ROBO2: variants seen among roughly 807,000 people sequenced by gnomAD.
ROBO2 encodes the protein roundabout guidance receptor 2, also known as roundabout homolog 2.
Under a neutral mutation model 160.8 loss-of-function variants are expected in ROBO2, and 53 were observed. The observed-to-expected ratio is 0.33, with a 90% confidence interval of 0.26 to 0.41. The LOEUF is 0.41. Ranked by LOEUF, ROBO2 falls within the 10% of genes least tolerant of loss-of-function variation. ROBO2 has a pLI of 1.00. For synonymous variants in ROBO2, 664 were observed against 611.7 expected, an observed-to-expected ratio of 1.09 and a Z score of -1.26; for missense variants, 1,577 against 1,722.4, an observed-to-expected ratio of 0.92 and a Z score of 1.49.
intron 2 of ROBO2, among the ~76,000 whole-genome samples, chr3:76,526,466 T>C (rs1200382386): frequency 6.6e-6 from 1 of 152,096 alleles, no homozygotes; most frequent in Non-Finnish European, 1.5e-5. Context: ...GTTTGTTGAT[T>C]CTATATGATT....
At position 75,928,980 on chromosome 3, in the gene ROBO2, C is replaced by T. The variant is rs1481180736; in HGVS notation, c.-13-8501C>T. ...GAGATGTGCAGCTGGATAAGACGTA[C>T]GTGTGTGTGTGTGTGTGTGTGATAG... On this transcript the variant is annotated intron_variant, in intron 1 of 26. Coordinates refer to the ROBO2 transcript ENST00000487694. Among the ~76,000 whole-genome samples the T allele has an allele frequency of 1.4e-4, 13 of 94,054 alleles. 1 individual carries two copies. The highest frequency in any genetic ancestry group is 5.3e-4 in the African/African-American group (12 of 22,440). 61.7% of individuals were successfully genotyped at this position (94,054 alleles called of 152,430 possible).
chr3:76,187,945 G>A (rs913280214), intron 2 of ROBO2, among the ~76,000 whole-genome samples: 3 of 152,022 alleles, frequency 2.0e-5, no homozygotes, highest in East Asian at 1.9e-4. Flanking sequence ...TAAAAGCCCC[G>A]AATAATATGG....
At chr3:76,635,642 A>G (rs1484704930) in intron 2 of ROBO2, among the ~76,000 whole-genome samples, 2 of 152,104 alleles carry the variant, frequency 1.3e-5, no homozygotes, top group Non-Finnish European at 2.9e-5. Context: ...TGTCTCACAT[A>G]CTCTTGGCCA....
At chr3:76,617,845 T>C (rs2088718611) in intron 2 of ROBO2, among the ~76,000 whole-genome samples, 1 of 151,598 alleles carries the variant, frequency 6.6e-6, no homozygotes, top group African/African-American at 2.4e-5. Context: ...CACTTCACAG[T>C]GAGGCAGGAG....
intron 2 of ROBO2, among the ~76,000 whole-genome samples, chr3:76,704,898 AATTT>A (rs1313728913): frequency 6.6e-6 from 1 of 151,882 alleles, no homozygotes; most frequent in African/African-American, 2.4e-5. Context: ...TTAATTAATT[AATTT>A]ATTTTGCATC....
chr3:76,188,556 G>C (rs1203727826), intron 2 of ROBO2, among the ~76,000 whole-genome samples: 1 of 152,042 alleles, frequency 6.6e-6, no homozygotes, highest in African/African-American at 2.4e-5. Context: ...ACCCTCTAGA[G>C]TTGTGAGGGA....
At chr3:76,866,258 A>G (rs1238311093) in intron 2 of ROBO2, among the ~76,000 whole-genome samples, 1 of 152,182 alleles carries the variant, frequency 6.6e-6, no homozygotes, top group Non-Finnish European at 1.5e-5. Flanking sequence ...TGCACAGGAT[A>G]TGTAGCTGTC....
chr3:76,560,226 C>T (rs2084080093), intron 2 of ROBO2, among the ~76,000 whole-genome samples: 1 of 152,048 alleles, frequency 6.6e-6, no homozygotes, highest in Non-Finnish European at 1.5e-5. Flanking sequence ...ATCTAAATTA[C>T]CACGTCTGGA....
rs143509001 is a variant in ROBO2 at position 77,629,929 on chromosome 3, T to C, written c.3761-4941T>C. On this transcript the variant is annotated intron_variant, in intron 23 of 25. Transcript: ENST00000461745. ...ATAGTTCCTAATCTCCAGAATTCCA[T>C]TGTCTAGGAGAGGAAACACATGTGC... The C allele has an allele frequency of 2.9e-3, 439 of 152,268 alleles. 5 individuals carry two copies. The highest frequency in any genetic ancestry group is 9.7e-3 in the African/African-American group (405 of 41,556). The allele number at this position is 152,268 out of a possible 1,614,324, so 9.4% of individuals were successfully genotyped here.
intron 2 of ROBO2, among the ~76,000 whole-genome samples, chr3:76,467,771 C>T (rs1311167554): frequency 1.3e-5 from 2 of 151,940 alleles, no homozygotes; most frequent in Admixed American, 6.6e-5. Context: ...TATTCCAACT[C>T]GTAGTGGATA....
chr3:77,569,622 G>A (rs556872713), intron 13 of ROBO2, among the ~76,000 whole-genome samples: 7 of 152,010 alleles, frequency 4.6e-5, no homozygotes, highest in South Asian at 4.1e-4. Flanking sequence ...TATCAGATAC[G>A]TAATTTGCAA....
chr3:77,563,066 A>T (rs1347023685), intron 10 of ROBO2, 101 bp from the exon 12 acceptor site: 6 of 1,051,494 alleles, frequency 5.7e-6, no homozygotes, highest in African/African-American at 1.6e-5. Context: ...TGAATTTCTC[A>T]CTGTCTAGGT....
intron 2 of ROBO2, among the ~76,000 whole-genome samples, chr3:76,408,273 T>C (rs539293005): frequency 1.1e-4 from 17 of 152,182 alleles, no homozygotes; most frequent in Non-Finnish European, 1.9e-4. Flanking sequence ...GTGGGCTCAG[T>C]TGGCATGGGT....
chr3:76,186,848 C>G (rs1701788961), intron 2 of ROBO2, among the ~76,000 whole-genome samples: 1 of 152,044 alleles, frequency 6.6e-6, no homozygotes, highest in African/African-American at 2.4e-5. Context: ...TAACAACCAC[C>G]ATGTTGCCAA....
intron 2 of ROBO2, among the ~76,000 whole-genome samples, chr3:76,142,745 C>T (rs986527170): frequency 3.3e-5 from 5 of 151,782 alleles, no homozygotes; most frequent in East Asian, 1.9e-4. Flanking sequence ...TTTGATGGCA[C>T]GATAGGGTGA....
intron 2 of ROBO2, among the ~76,000 whole-genome samples, chr3:76,948,908 A>ATATATATATATATTTTT (rs1209284372): frequency 4.0e-5 from 1 of 24,970 alleles, no homozygotes; most frequent in African/African-American, 1.8e-4. Context: ...ATATATATAT[A>ATATATATATATATTTTT]TTTTTTTTTT....
intron 1 of ROBO2, among the ~76,000 whole-genome samples, chr3:75,922,370 AT>A (rs1209025821): frequency 6.6e-6 from 1 of 152,132 alleles, no homozygotes; most frequent in East Asian, 1.9e-4. Context: ...ATAACAGAAA[AT>A]TTTTTAAAAA....
chr3:76,183,289 A>G (rs780184126), intron 2 of ROBO2, among the ~76,000 whole-genome samples: 12 of 152,094 alleles, frequency 7.9e-5, no homozygotes, highest in Non-Finnish European at 1.6e-4. Context: ...GCATCTTATC[A>G]CCTGTGCTCA....
Position 77,435,157 on chromosome 3 carries a change from TA to T in ROBO2, c.389-42253del, listed in dbSNP as rs1340594685. Among the ~76,000 whole-genome samples, 5 of 152,140 alleles carry T rather than the reference TA, an allele frequency of 3.3e-5. No individual in the cohort carries two copies. The East Asian group carries it at 9.6e-4, about 29-fold the overall frequency. On this transcript the variant is annotated intron_variant, in intron 2 of 25. Coordinates refer to ENST00000461745, the Ensembl canonical transcript of ROBO2. Reference sequence around the variant, plus strand: ...GTTCATTCTAAACATTTTTTATTAATAAAATAAATTTGTTGATATAGATAAC... The same window carrying T: ...GTTCATTCTAAACATTTTTTATTAATAAATAAATTTGTTGATATAGATAAC...
Sources: gnomAD v4.1 joint callset for allele counts (sites outside exome capture counted in the v4.1 genomes callset) on GRCh38, gnomAD v4.1.1 for gene constraint, MANE v1.5 for transcripts, NCBI Gene and HGNC (gene_info 2026-07-23, HGNC 2026-07-21) for gene names.